OSR1: variants seen among roughly 807,000 people sequenced by gnomAD.
OSR1 encodes protein odd-skipped-related 1.
A neutral mutation model predicts 15.7 loss-of-function variants in OSR1; 3 were observed. The observed-to-expected ratio is 0.19, with a 90% CI of 0.09 to 0.50. The LOEUF (loss-of-function observed/expected upper bound fraction) is 0.50. Ranked by LOEUF, OSR1 falls within the 20% of genes least tolerant of loss-of-function variation. The pLI, the probability that OSR1 is intolerant of heterozygous loss-of-function variation, is 0.97. For synonymous variants in OSR1, 166 were observed against 152.7 expected, an observed-to-expected ratio of 1.09 and a Z score of -0.64; for missense variants, 271 against 351.1, an observed-to-expected ratio of 0.77 and a Z score of 1.82.
At chr2:19,348,946 G>T (rs144759869), downstream of OSR1, among the ~76,000 whole-genome samples, 65 of 152,272 alleles carry the variant, frequency 4.3e-4, 3 homozygotes, top group African/African-American at 1.3e-3. Flanking sequence ...CTTTGAGAAG[G>T]GCCCCAGCTG....
Position 19,357,544 on chromosome 2 carries a change from GGACA to G in OSR1, c.-33+793_-33+796del, listed in dbSNP as rs1001885948. Reference sequence around the variant, plus strand: ...TTTCTCTCCTGACGGCTGGATTAGCGGACAGTCAGGGGAGTAACAGAACTTTTCC... The same window carrying G: ...TTTCTCTCCTGACGGCTGGATTAGCGGTCAGGGGAGTAACAGAACTTTTCC... On this transcript the variant is annotated intron_variant, in intron 1 of 2. Transcript: ENST00000272223. The surrounding 1 kb of genome is among the most constrained non-coding windows in gnomAD (Gnocchi z 5.0). Among the ~76,000 whole-genome samples, 18 of 152,142 alleles carry G rather than the reference GGACA, an allele frequency of 1.2e-4. No homozygotes were observed. The highest frequency in any genetic ancestry group is 4.1e-4 in the African/African-American group (17 of 41,502).
rs1192004033 is a variant in OSR1 at position 19,353,617 on chromosome 2, G to C, written c.189C>G (p.His63Gln). Residue 63 changes from histidine (H) to glutamine (Q), a missense_variant, in exon 2 of 3, where the codon CAC (histidine) becomes CAG (glutamine). By Grantham distance (24) the His-to-Gln change is conservative. Transcript: ENST00000272223. ...CTTTGGAGAAAGAAGAGCGCGGCAA[G>C]TGCATGGCCGGGTAGCCCAGCGTCC... ...HQWTLGYPAMHLPRSSFSKVP... is the reference protein window; with the variant it reads ...HQWTLGYPAMQLPRSSFSKVP... 1 of 1,614,154 alleles carries C rather than the reference G, an allele frequency of 6.2e-7. No homozygotes were observed. The highest frequency in any genetic ancestry group is 1.3e-5 in the African/African-American group (1 of 74,958).
rs1664841098 is a variant in OSR1, at chr2:19,351,614, C to G, written c.*661G>C. 6.5e-6 allele frequency: 1 copy of G among 152,702 alleles called. No individual in the cohort carries two copies. The highest frequency in any genetic ancestry group is 2.4e-5 in the African/African-American group (1 of 41,460). The allele number at this position is 152,702 out of a possible 1,614,324, so 9.5% of individuals were successfully genotyped here. On this transcript the variant is annotated 3_prime_UTR_variant, in exon 3 of 3. Transcript: ENST00000272223. ...CCCGGCTCTTGGCTGGCTGCTCCCT[C>G]GCAGTGTCGCGGCAGCGGAGGCCGG...
In OSR1 at chr2:19,352,210, G is replaced by A; in HGVS notation, c.*65C>T. 6.5e-7 allele frequency: 1 copy of A among 1,548,562 alleles called. No individual in the cohort carries two copies. Among genetic ancestry groups the A allele is most frequent in the East Asian group, 2.3e-5 (1 of 44,058 alleles). On this transcript the variant is annotated 3_prime_UTR_variant, in exon 3 of 3. Transcript: ENST00000272223. ...CCTCTCCCGCTGCCCGCCAGAGTCA[G>A]GCTTCTGGTCCCTATGGAGGAGAGG... is the stretch of plus-strand genomic sequence containing the variant.
chr2:19,349,667 C>T (rs2103357274), downstream of OSR1, among the ~76,000 whole-genome samples: 1 of 152,272 alleles, frequency 6.6e-6, no homozygotes, highest in African/African-American at 2.4e-5. Flanking sequence ...ACTGCAGAGG[C>T]TCGATCTTCA....
At chr2:19,355,704 G>A (rs1664934834) in intron 1 of OSR1, 1 of 152,250 alleles carries the variant, frequency 6.6e-6, no homozygotes, top group African/African-American at 2.4e-5. Context: ...GGCAAGAGGA[G>A]GCATATTATC....
chr2:19,347,170 T>A (rs1228899032), downstream of OSR1, among the ~76,000 whole-genome samples: 1 of 152,150 alleles, frequency 6.6e-6, no homozygotes, highest in Non-Finnish European at 1.5e-5. Context: ...ATACAGTAGG[T>A]TGGGAGGCAG....
chr2:19,352,377 A>G lies in OSR1; in HGVS notation c.699T>C (p.Cys233=), dbSNP rs1295054186. 6.2e-7 allele frequency: 1 copy of G among 1,614,138 alleles called. No individual in the cohort carries two copies. The highest frequency in any genetic ancestry group is 1.7e-5 in the Admixed American group (1 of 60,018). Residue 233 remains cysteine (C), a synonymous_variant, in exon 3 of 3, where the codon TGT becomes TGC. Coordinates refer to ENST00000272223, the MANE Select transcript of OSR1 (RefSeq NM_145260.3). ...GGCAGAATCCTTTCCCACACTCTTG[A>G]CACTTGAAGGGCTTCTCTTTGGAGT... ...YIHSKEKPFK[C]QECGKGFCQS...
chr2:19,354,039 A>C, intron 1 of OSR1: 1 of 548,860 alleles, frequency 1.8e-6, no homozygotes, highest in Non-Finnish European at 3.2e-6. Context: ...TCTTTTCAGA[A>C]CCCTCCTTGG....
chr2:19,355,141 G>C (rs1028011512), intron 1 of OSR1: 3 of 152,282 alleles, frequency 2.0e-5, no homozygotes, highest in Non-Finnish European at 2.9e-5. Flanking sequence ...GGAGCCTTGG[G>C]AAGCCCAAGC....
intron 1 of OSR1, chr2:19,354,786 C>T (rs896532023): frequency 6.6e-6 from 1 of 152,180 alleles, no homozygotes; most frequent in East Asian, 1.9e-4. Flanking sequence ...CCTCACTCCC[C>T]CAAAGAAAAA....
chr2:19,344,979 T>C, the OSR1 span, among the ~76,000 whole-genome samples: 1 of 152,146 alleles, frequency 6.6e-6, no homozygotes, highest in Non-Finnish European at 1.5e-5. Flanking sequence ...AACAGCAATA[T>C]AGACATCACA....
rs1664856212 is a variant in OSR1 at position 19,352,231 on chromosome 2, A to C, written c.*44T>G. The C allele has an allele frequency of 6.2e-7, 1 of 1,606,726 alleles. No individual in the cohort carries two copies. Among genetic ancestry groups the C allele is most frequent in the African/African-American group, 1.3e-5 (1 of 74,764 alleles). On this transcript the variant is annotated 3_prime_UTR_variant, in exon 3 of 3. Coordinates refer to ENST00000272223, the MANE Select transcript of OSR1 (RefSeq NM_145260.3). ...GTCAGGCTTCTGGTCCCTATGGAGG[A>C]GAGGGCCGCTGGGCCTAGGGTCCTT...
At position 19,352,143 on chromosome 2, in the gene OSR1, C is replaced by A; in HGVS notation, c.*132G>T. The A allele has an allele frequency of 9.4e-7, 1 of 1,058,384 alleles. No homozygotes were observed. The highest frequency in any genetic ancestry group is 1.8e-5 in the South Asian group (1 of 54,946). 65.6% of individuals were successfully genotyped at this position (1,058,384 alleles called of 1,614,324 possible). A position where few individuals can be genotyped will look rare whatever the true frequency, so the allele number is the denominator to read the frequency against. On this transcript the variant is annotated 3_prime_UTR_variant, in exon 3 of 3. Coordinates refer to ENST00000272223, the MANE Select transcript of OSR1 (RefSeq NM_145260.3). ...CTGAAGTGCCGCGTGCGCCAGGGAC[C>A]CAGGGGACAATGTTGGAGAGGTGGA...
chr2:19,353,234 A>G lies in OSR1; in HGVS notation c.572T>C (p.Leu191Pro). The G allele has an allele frequency of 6.2e-7, 1 of 1,614,198 alleles. No homozygotes were observed. The highest frequency in any genetic ancestry group is 8.5e-7 in the Non-Finnish European group (1 of 1,180,040). The change falls in exon 2 of 3, where the codon CTT (leucine) becomes CCT (proline). Residue 191 changes from leucine (L) to proline (P), a missense_variant. Around this residue, in one of 4 missense-constraint regions of OSR1, gnomAD observed 32 missense variants for 66.8 expected, o/e 0.48. Coordinates refer to ENST00000272223, the MANE Select transcript of OSR1 (RefSeq NM_145260.3). ...GRHFTKSYNLLIHERTHTDER... is the reference protein window; with the variant it reads ...GRHFTKSYNLPIHERTHTDER... ...GTCGGTGTGCGTCCGCTCATGGATA[A>G]GTAGGTTGTAGGACTTGGTGAAGTG...
At chr2:19,353,921 G>A in intron 1 of OSR1, 84 bp from the exon 2 acceptor site, 2 of 1,136,782 alleles carry the variant, frequency 1.8e-6, no homozygotes, top group Non-Finnish European at 2.5e-6. Context: ...TTCCAGCCGA[G>A]CCACACCCTC....
chr2:19,347,195 C>G (rs146534317), downstream of OSR1, among the ~76,000 whole-genome samples: 2 of 152,292 alleles, frequency 1.3e-5, no homozygotes, highest in African/African-American at 4.8e-5. Context: ...CGTCAAAATG[C>G]TGAGAGGCAT....
At chr2:19,345,834 G>A in the OSR1 span, among the ~76,000 whole-genome samples, 153 of 152,358 alleles carry the variant, frequency 1.0e-3, no homozygotes, top group African/African-American at 3.5e-3. Flanking sequence ...CGACTGCAAA[G>A]ACATTCAGTT....
chr2:19,346,077 T>C, the OSR1 span, among the ~76,000 whole-genome samples: 14 of 152,146 alleles, frequency 9.2e-5, no homozygotes, highest in Admixed American at 2.6e-4. Context: ...CTGCAAATGA[T>C]AGAAAGAAAT....
Sources: gnomAD v4.1 joint callset for allele counts (sites outside exome capture counted in the v4.1 genomes callset) on GRCh38, gnomAD v4.1.1 for gene constraint, gnomAD v4.1.1 regional missense constraint, Gnocchi (gnomAD v3.1) non-coding constraint, MANE v1.5 for transcripts, NCBI Gene and HGNC (gene_info 2026-07-23, HGNC 2026-07-21) for gene names.